Variants in CEP41 observed in about 807,000 individuals in gnomAD.
The protein encoded by CEP41 is centrosomal protein 41.
CEP41 carries 32 observed loss-of-function variants against 44.3 expected under a neutral mutation model. The observed-to-expected ratio is 0.72, with a 90% CI of 0.54 to 0.97. The LOEUF (loss-of-function observed/expected upper bound fraction) is 0.97, where lower values mean the gene tolerates loss of function less well. Ranked by LOEUF, CEP41 falls within the 50% of genes least tolerant of loss-of-function variation. CEP41 has a pLI of 0.00. For synonymous variants in CEP41, 151 were observed against 168.5 expected (o/e 0.90, Z 0.80); for missense variants, 432 against 455.2 (o/e 0.95, Z 0.46).
At chr7:130,425,684 A>G (rs542928191) in intron 2 of CEP41, among the ~76,000 whole-genome samples, 24 of 152,388 alleles carry the variant, frequency 1.6e-4, no homozygotes, top group Non-Finnish European at 2.9e-4. Flanking sequence ...TTTAGGTTCA[A>G]ACAAAAATAT....
chr7:130,405,827 T>A (rs947366765), intron 5 of CEP41, among the ~76,000 whole-genome samples: 2 of 152,228 alleles, frequency 1.3e-5, no homozygotes, highest in African/African-American at 4.8e-5. Flanking sequence ...TCAAGTTTTA[T>A]CTGAAAGGAC....
intron 2 of CEP41, chr7:130,419,790 T>A (rs1382111963): frequency 3.0e-6 from 3 of 985,214 alleles, no homozygotes; most frequent in Non-Finnish European, 3.6e-6. Context: ...TTCTCTAACG[T>A]ATCACCTTGC....
intron 1 of CEP41, among the ~76,000 whole-genome samples, chr7:130,430,823 C>G (rs1311135621): frequency 6.6e-6 from 1 of 151,848 alleles, no homozygotes; most frequent in Non-Finnish European, 1.5e-5. Context: ...CACTAGTTTC[C>G]TAGCAAAGCT....
At chr7:130,421,783 T>C in intron 2 of CEP41, 4 of 1,250,168 alleles carry the variant, frequency 3.2e-6, no homozygotes, top group Non-Finnish European at 4.0e-6. Flanking sequence ...ATGCAGCCAA[T>C]GAAAGACTGT....
intron 2 of CEP41, 23 bp downstream of exon 2, chr7:130,427,932 C>A: frequency 2.6e-6 from 4 of 1,531,854 alleles, no homozygotes; most frequent in Non-Finnish European, 3.6e-6. Context: ...TTTTTTAATT[C>A]TAATTTTCTA....
chr7:130,412,295 T>C (rs1220870711), intron 3 of CEP41, 55 bp from the exon 4 acceptor site: 7 of 859,190 alleles, frequency 8.1e-6, no homozygotes, highest in Admixed American at 3.5e-5. Context: ...AGAGCTATTC[T>C]TTCTAGTTGT....
intron 1 of CEP41, 129 bp downstream of exon 1, chr7:130,440,805 A>AC: frequency 8.5e-6 from 3 of 352,294 alleles, no homozygotes; most frequent in East Asian, 6.9e-5. Context: ...CTGCATCCCG[A>AC]CCCCTCCTCA....
chr7:130,402,635 T>TTC lies in CEP41; in HGVS notation c.574+11_574+12dup. The TTC allele has an allele frequency of 6.2e-7, 1 of 1,613,984 alleles. No individual in the cohort carries two copies. On this transcript the variant is annotated intron_variant, in intron 7 of 10. Transcript: ENST00000223208. ...CTTGAGAGTGAGGCACTTTAAAGCC[T>TTC]TCTCTCTCTTACCTCCAACAATGTG...
intron 3 of CEP41, among the ~76,000 whole-genome samples, chr7:130,415,754 T>C (rs1179334780): frequency 6.6e-6 from 1 of 152,196 alleles, no homozygotes; most frequent in Non-Finnish European, 1.5e-5. Context: ...AGCTGGATTC[T>C]GCCTGTCTTG....
At chr7:130,430,545 A>G (rs1797794188) in intron 1 of CEP41, among the ~76,000 whole-genome samples, 1 of 152,234 alleles carries the variant, frequency 6.6e-6, no homozygotes, top group Non-Finnish European at 1.5e-5. Context: ...AGAAAGACAG[A>G]GCAGATTCTT....
intron 5 of CEP41, among the ~76,000 whole-genome samples, chr7:130,407,253 AACACACACACACAC>A (rs60030288): frequency 1.2e-4 from 15 of 129,402 alleles, no homozygotes; most frequent in South Asian, 8.0e-4. Flanking sequence ...AACAAGAGTA[AACACACACACACAC>A]ACACACACAC....
At chr7:130,412,364 C>A (rs1477969326) in intron 3 of CEP41, 124 bp from the exon 4 acceptor site, 3 of 636,726 alleles carry the variant, frequency 4.7e-6, no homozygotes, top group Admixed American at 5.2e-5. Flanking sequence ...CTCATTTGAG[C>A]CTCATGATAT....
chr7:130,407,629 T>C (rs887803010), intron 5 of CEP41, among the ~76,000 whole-genome samples: 1 of 152,274 alleles, frequency 6.6e-6, no homozygotes, highest in Middle Eastern at 3.4e-3. Context: ...GCTAGGAATA[T>C]TTCTCAACTA....
intron 7 of CEP41, among the ~76,000 whole-genome samples, chr7:130,402,335 G>C (rs571687490): frequency 9.5e-5 from 13 of 136,148 alleles, no homozygotes; most frequent in Middle Eastern, 8.7e-3. Flanking sequence ...AACAGAGCAA[G>C]GTATTAACAA....
At chr7:130,416,217 G>A (rs1434667734) in intron 3 of CEP41, among the ~76,000 whole-genome samples, 1 of 152,096 alleles carries the variant, frequency 6.6e-6, no homozygotes, top group Non-Finnish European at 1.5e-5. Flanking sequence ...CCTAGCACTG[G>A]GTTCTCTTAT....
At chr7:130,440,073 G>A (rs1798098984) in intron 1 of CEP41, among the ~76,000 whole-genome samples, 1 of 152,106 alleles carries the variant, frequency 6.6e-6, no homozygotes, top group Admixed American at 6.5e-5. Flanking sequence ...AGGCTGGAGT[G>A]CAATGGCACG....
chr7:130,414,307 G>C (rs542308200), intron 3 of CEP41, among the ~76,000 whole-genome samples: 15 of 152,310 alleles, frequency 9.8e-5, no homozygotes, highest in Non-Finnish European at 2.9e-5. Context: ...CCGGGATGCA[G>C]ACCCAAATAG....
At chr7:130,420,947 A>T in intron 2 of CEP41, 7 of 983,084 alleles carry the variant, frequency 7.1e-6, no homozygotes, top group Non-Finnish European at 8.5e-6. Context: ...AACTTGACTT[A>T]TATACAGTAT....
intron 7 of CEP41, among the ~76,000 whole-genome samples, 175 bp from the exon 8 acceptor site, chr7:130,402,123 C>T (rs569897168): frequency 1.3e-5 from 2 of 152,136 alleles, no homozygotes; most frequent in African/African-American, 4.8e-5. Flanking sequence ...GTGGGTGGAC[C>T]GCTTGAGTCC....
Sources: allele counts gnomAD v4.1 joint callset (sites outside exome capture counted in the v4.1 genomes callset), GRCh38; gene constraint gnomAD v4.1.1; transcripts MANE v1.5; gene names NCBI Gene and HGNC (gene_info 2026-07-23, HGNC 2026-07-21).